The following SORBS2 variants were observed in gnomAD, a reference collection of about 807,000 sequenced individuals.
SORBS2 encodes the protein sorbin and SH3 domain containing 2, also known as sorbin and SH3 domain-containing protein 2.
Under a neutral mutation model 97.7 loss-of-function variants are expected in SORBS2, and 46 were observed. That is an observed-to-expected ratio of 0.47 (90% CI 0.37 to 0.60). The LOEUF (loss-of-function observed/expected upper bound fraction) is 0.60, where lower values mean the gene tolerates loss of function less well. Among genes scored for constraint, SORBS2 ranks in the 20% least tolerant of loss-of-function variants. The pLI is 0.00. For synonymous variants in SORBS2, 476 were observed against 473.4 expected (o/e 1.01, Z -0.07); for missense variants, 1,316 against 1,282.3 (o/e 1.03, Z -0.40).
chr4:185,691,048 T>C (rs531214844), intron 2 of SORBS2, among the ~76,000 whole-genome samples: 6 of 152,044 alleles, frequency 3.9e-5, no homozygotes, highest in African/African-American at 2.4e-5. Context: ...TACAGGCACA[T>C]GCCACCACAC....
At chr4:185,602,022 T>A (rs6844986) in intron 12 of SORBS2, among the ~76,000 whole-genome samples, 15,847 of 152,106 alleles carry the variant, frequency 0.1, 2,282 homozygotes, top group African/African-American at 0.32. Flanking sequence ...ATTTATACTA[T>A]TTTTTTTGAG....
At chr4:185,768,709 A>AAAAAAAG (rs1460548781) in intron 2 of SORBS2, among the ~76,000 whole-genome samples, 1 of 87,640 alleles carries the variant, frequency 1.1e-5, no homozygotes, top group Non-Finnish European at 2.4e-5. Context: ...AAAAAAAAAA[A>AAAAAAAG]AACAAAAAAA....
chr4:185,908,918 T>A (rs1022201696), intron 1 of SORBS2, among the ~76,000 whole-genome samples: 1 of 151,450 alleles, frequency 6.6e-6, no homozygotes, highest in African/African-American at 2.4e-5. Flanking sequence ...TATTTTTATA[T>A]AATACATATA....
chr4:185,678,686 A>T lies in SORBS2; in HGVS notation c.-171+110T>A, dbSNP rs1051401737. On this transcript the variant is annotated intron_variant, in intron 3 of 20. Transcript: ENST00000284776. Reference sequence around the variant, plus strand: ...TTACTAGAGGTTTAATTTAATATGCATAACAGTACATGAAATTTAAATTTA... The same window carrying T: ...TTACTAGAGGTTTAATTTAATATGCTTAACAGTACATGAAATTTAAATTTA... 3 of 1,138,686 alleles carry T rather than the reference A, an allele frequency of 2.6e-6. No individual in the cohort carries two copies. The African/African-American group carries it at 4.8e-5, about 18-fold the overall frequency. The allele number at this position is 1,138,686 out of a possible 1,614,324, so 70.5% of individuals were successfully genotyped here.
chr4:185,604,409 G>A (rs1221274818), intron 12 of SORBS2, among the ~76,000 whole-genome samples: 1 of 152,128 alleles, frequency 6.6e-6, no homozygotes, highest in Non-Finnish European at 1.5e-5. Flanking sequence ...GGTGAGCAGG[G>A]CTGAGAAAGT....
At chr4:185,644,583 A>G (rs1316736028) in intron 4 of SORBS2, among the ~76,000 whole-genome samples, 1 of 152,054 alleles carries the variant, frequency 6.6e-6, no homozygotes, top group Admixed American at 6.5e-5. Context: ...GGCTCCCACC[A>G]TGTGTCCCTG....
chr4:185,759,167 T>C (rs934336819), intron 2 of SORBS2, among the ~76,000 whole-genome samples: 1 of 152,210 alleles, frequency 6.6e-6, no homozygotes, highest in Non-Finnish European at 1.5e-5. Flanking sequence ...TTGCTAGGTT[T>C]AGAAATGAAG....
At chr4:185,909,598 C>A (rs1164429404) in intron 1 of SORBS2, among the ~76,000 whole-genome samples, 2 of 152,020 alleles carry the variant, frequency 1.3e-5, no homozygotes, top group African/African-American at 4.8e-5. Flanking sequence ...CATTAAAAAT[C>A]TTTCAAGCAT....
At chr4:185,611,200 C>G (rs1003961938) in intron 12 of SORBS2, among the ~76,000 whole-genome samples, 1 of 152,016 alleles carries the variant, frequency 6.6e-6, no homozygotes, top group Admixed American at 6.6e-5. Context: ...CTTATAGACT[C>G]TAATTAAAAA....
intron 1 of SORBS2, among the ~76,000 whole-genome samples, chr4:185,844,029 C>T (rs941763819): frequency 1.3e-5 from 2 of 152,162 alleles, no homozygotes; most frequent in African/African-American, 4.8e-5. Context: ...ATAACACATC[C>T]CTTCCTTGGA....
intron 2 of SORBS2, among the ~76,000 whole-genome samples, chr4:185,650,045 T>C (rs916388835): frequency 2.0e-5 from 3 of 152,158 alleles, no homozygotes; most frequent in Admixed American, 1.3e-4. Flanking sequence ...TTTCCAAATA[T>C]CTTCTAATAC....
At chr4:185,649,560 T>C (rs752541750) in exon 3 of SORBS2, 6 of 1,605,864 alleles carry the variant, frequency 3.7e-6, no homozygotes, top group South Asian at 3.3e-5. Context: ...CTTAAAGGCA[T>C]TGGGGCTGTT....
intron 1 of SORBS2, chr4:185,932,954 C>T (rs2099267175): frequency 6.6e-6 from 1 of 152,226 alleles, no homozygotes; most frequent in South Asian, 2.1e-4. Flanking sequence ...CAGAATTCTT[C>T]TTAAGCCTTC....
intron 1 of SORBS2, among the ~76,000 whole-genome samples, chr4:185,804,337 A>G (rs1439978803): frequency 6.6e-6 from 1 of 152,200 alleles, no homozygotes; most frequent in African/African-American, 2.4e-5. Context: ...CACTCTTGGT[A>G]GTGGACATGG....
intron 13 of SORBS2, among the ~76,000 whole-genome samples, chr4:185,591,638 G>A (rs889419931): frequency 2.0e-5 from 3 of 152,134 alleles, no homozygotes; most frequent in African/African-American, 7.2e-5. Context: ...GGTGGTTCCT[G>A]GGCTGCTGTT....
intron 2 of SORBS2, among the ~76,000 whole-genome samples, chr4:185,745,398 TA>T (rs112124555): frequency 5.9e-5 from 9 of 152,054 alleles, no homozygotes; most frequent in South Asian, 4.2e-4. Flanking sequence ...ACAGTTGTCT[TA>T]AAAAAAATGC....
At position 185,684,656 on chromosome 4, in the gene SORBS2, G is replaced by C; in HGVS notation, c.-197-5834C>G. The C allele has an allele frequency of 1.2e-6, 1 of 866,006 alleles. No individual in the cohort carries two copies. Among genetic ancestry groups the C allele is most frequent in the South Asian group, 1.7e-5 (1 of 58,378 alleles). The allele number at this position is 866,006 out of a possible 1,614,324, so 53.6% of individuals were successfully genotyped here. The stretch of plus-strand genomic sequence containing the variant: ...TACACATTTAAAATGTTTCCTACAA[G>C]ATCTCATTTTCCTTTGCTTTTTACG... On this transcript the variant is annotated intron_variant, in intron 2 of 20. Transcript: ENST00000284776. This position sits in a 1 kb window ranked among gnomAD's most constrained non-coding sequence, Gnocchi z 4.2.
rs78676595 is a variant in SORBS2 at position 185,763,625 on chromosome 4, C to T, written c.-198+11602G>A. On this transcript the variant is annotated intron_variant, in intron 2 of 20. Transcript: ENST00000284776. ...ATGTCAATTTAATTCTCAGGCACAACACCCACGTGCCCCATCCCCTAACAA... is the reference window on the plus strand; with the variant it reads ...ATGTCAATTTAATTCTCAGGCACAATACCCACGTGCCCCATCCCCTAACAA... Among the ~76,000 whole-genome samples the T allele has an allele frequency of 1.2e-3, 180 of 152,336 alleles. 7 individuals are homozygous for T. The East Asian group carries it at 0.029, about 24-fold the overall frequency.
chr4:185,612,732 T>C (rs938624500), intron 11 of SORBS2, among the ~76,000 whole-genome samples: 6 of 152,104 alleles, frequency 3.9e-5, no homozygotes, highest in Admixed American at 3.9e-4. Context: ...TCAAGTGATC[T>C]GACCGCCTCG....
Sources: gnomAD v4.1 joint callset for allele counts (sites outside exome capture counted in the v4.1 genomes callset) on GRCh38, gnomAD v4.1.1 for gene constraint, Gnocchi (gnomAD v3.1) non-coding constraint, MANE v1.5 for transcripts, NCBI Gene and HGNC (gene_info 2026-07-23, HGNC 2026-07-21) for gene names.